The following ARHGAP28 variants were observed in gnomAD, a reference collection of about 807,000 sequenced individuals.
The protein encoded by ARHGAP28 is rho GTPase-activating protein 28.
ARHGAP28 carries 56 observed loss-of-function variants against 90.7 expected under a neutral mutation model. The observed-to-expected ratio is 0.62, with a 90% CI of 0.50 to 0.77. ARHGAP28 has a LOEUF of 0.77. ARHGAP28 is among the 30% of genes least tolerant of loss of function. ARHGAP28 has a pLI of 0.00. For synonymous variants in ARHGAP28, 308 were observed against 323.3 expected, an observed-to-expected ratio of 0.95 and a Z score of 0.51; for missense variants, 869 against 900.9, an observed-to-expected ratio of 0.96 and a Z score of 0.45.
intron 3 of ARHGAP28, among the ~76,000 whole-genome samples, chr18:6,841,163 C>G (rs1427884800): frequency 1.6e-4 from 15 of 95,500 alleles, no homozygotes; most frequent in Non-Finnish European, 2.3e-4. Context: ...CTCTTTCTCT[C>G]TCTCCTCTCT....
intron 2 of ARHGAP28, among the ~76,000 whole-genome samples, chr18:6,826,835 C>A (rs566879858): frequency 6.7e-4 from 102 of 152,120 alleles, no homozygotes; most frequent in African/African-American, 2.4e-3. Flanking sequence ...GACCCTGCGG[C>A]CTTCCGCAGT....
intron 4 of ARHGAP28, among the ~76,000 whole-genome samples, chr18:6,858,376 A>G (rs1473404428): frequency 6.6e-6 from 1 of 151,878 alleles, no homozygotes; most frequent in African/African-American, 2.4e-5. Context: ...AACCAATCCC[A>G]TTTGCTTTAC....
At chr18:6,821,837 C>T (rs368187698) in intron 1 of ARHGAP28, among the ~76,000 whole-genome samples, 4 of 152,144 alleles carry the variant, frequency 2.6e-5, no homozygotes, top group African/African-American at 9.7e-5. Flanking sequence ...AGACCCTTCG[C>T]ATGAATAAGA....
chr18:6,839,809 A>G (rs2056790557), intron 3 of ARHGAP28, among the ~76,000 whole-genome samples: 1 of 152,220 alleles, frequency 6.6e-6, no homozygotes, highest in African/African-American at 2.4e-5. Flanking sequence ...CTAATTGATT[A>G]ATACCTTTGA....
At chr18:6,754,744 G>A (rs910101600) in intron 1 of ARHGAP28, 43 of 152,212 alleles carry the variant, frequency 2.8e-4, no homozygotes, top group African/African-American at 1.0e-3. Context: ...CTGGACCTGG[G>A]AACCTGAATT....
chr18:6,824,404 G>A (rs1486886017), intron 1 of ARHGAP28, among the ~76,000 whole-genome samples: 4 of 152,032 alleles, frequency 2.6e-5, no homozygotes, highest in Admixed American at 2.6e-4. Context: ...GGGCGTGGTG[G>A]CGGGCACCTG....
chr18:6,747,702 G>A (rs1261501578), intron 1 of ARHGAP28, among the ~76,000 whole-genome samples: 2 of 152,146 alleles, frequency 1.3e-5, no homozygotes, highest in African/African-American at 4.8e-5. Context: ...CAAATAACTG[G>A]TAGAAACTAC....
At chr18:6,788,531 G>C (rs868425426) in intron 1 of ARHGAP28, 1 of 151,648 alleles carries the variant, frequency 6.6e-6, no homozygotes, top group Non-Finnish European at 1.5e-5. Flanking sequence ...GAGTGATCTC[G>C]GCTCACTGCA....
intron 14 of ARHGAP28, among the ~76,000 whole-genome samples, chr18:6,894,079 G>C (rs1192574006): frequency 6.6e-6 from 1 of 151,992 alleles, no homozygotes; most frequent in African/African-American, 2.4e-5. Context: ...GTGTTAGCCA[G>C]GATGGTCTAG....
intron 1 of ARHGAP28, among the ~76,000 whole-genome samples, chr18:6,734,328 TG>T (rs1007616501): frequency 9.2e-5 from 14 of 152,162 alleles, no homozygotes; most frequent in African/African-American, 2.7e-4. Flanking sequence ...TGAAGTACAA[TG>T]TTTTTTTTGT....
chr18:6,808,591 G>C (rs1182305334), intron 1 of ARHGAP28, among the ~76,000 whole-genome samples: 1 of 152,072 alleles, frequency 6.6e-6, no homozygotes, highest in Non-Finnish European at 1.5e-5. Context: ...TATTTTTTCG[G>C]GGGTTACATT....
In ARHGAP28 at chr18:6,847,630, G is replaced by GGTGTGTGT. The variant is rs60063372; in HGVS notation, c.544-3389_544-3382dup. Among the ~76,000 whole-genome samples the GGTGTGTGT allele has an allele frequency of 2.5e-3, 377 of 150,398 alleles. 3 individuals are homozygous for GGTGTGTGT. The highest frequency in any genetic ancestry group is 8.6e-3 in the African/African-American group (352 of 41,090). ...AAGGATGAGAGAGAGAGAGAGTGGGGGTGTGTGTGTGTGTGTGTGTGTAGG... is the reference window on the plus strand; with the variant it reads ...AAGGATGAGAGAGAGAGAGAGTGGGGGTGTGTGTGTGTGTGTGTGTGTGTGTGTGTAGG... On this transcript the variant is annotated intron_variant, in intron 3 of 17. Transcript: ENST00000383472.
At chr18:6,870,870 G>T (rs529005600) in intron 7 of ARHGAP28, 138 bp downstream of exon 7, 41 of 860,004 alleles carry the variant, frequency 4.8e-5, no homozygotes, top group Admixed American at 1.3e-4. Flanking sequence ...GCGCGATCTC[G>T]GCTCACTGCA....
Position 6,780,103 on chromosome 18 carries a change from C to T in ARHGAP28, c.123-44659C>T, listed in dbSNP as rs114568752. Among the ~76,000 whole-genome samples, 1,219 of 152,276 alleles carry T rather than the reference C, an allele frequency of 8.0e-3. 12 individuals are homozygous for T. The highest frequency in any genetic ancestry group is 0.028 in the African/African-American group (1,144 of 41,550). On this transcript the variant is annotated intron_variant, in intron 1 of 17. Transcript: ENST00000383472. ...CCTACAAGCCCACCCCAGCTTTCAA[C>T]TGGAGTTCAGGGAAGCTCAGTGACA...
intron 4 of ARHGAP28, among the ~76,000 whole-genome samples, chr18:6,858,380 G>A (rs769262316): frequency 4.0e-5 from 6 of 151,834 alleles, no homozygotes; most frequent in Non-Finnish European, 8.8e-5. Flanking sequence ...AATCCCATTT[G>A]CTTTACACCT....
intron 4 of ARHGAP28, among the ~76,000 whole-genome samples, chr18:6,856,118 C>T (rs961395996): frequency 6.6e-6 from 1 of 152,188 alleles, no homozygotes; most frequent in South Asian, 2.1e-4. Context: ...AAGAGGCTTC[C>T]GGCTAGAAAA....
At chr18:6,818,977 T>C (rs1178073145) in intron 1 of ARHGAP28, among the ~76,000 whole-genome samples, 2 of 152,212 alleles carry the variant, frequency 1.3e-5, no homozygotes, top group African/African-American at 4.8e-5. Flanking sequence ...TCTCCATTGC[T>C]GTGCAATGAG....
At chr18:6,869,772 G>C (rs1336413473) in intron 6 of ARHGAP28, among the ~76,000 whole-genome samples, 1 of 152,186 alleles carries the variant, frequency 6.6e-6, no homozygotes, top group African/African-American at 2.4e-5. Flanking sequence ...GGGCAAAAGA[G>C]AATGAGTTCT....
At chr18:6,846,541 T>C (rs1427217271) in intron 3 of ARHGAP28, among the ~76,000 whole-genome samples, 2 of 152,154 alleles carry the variant, frequency 1.3e-5, no homozygotes, top group African/African-American at 4.8e-5. Flanking sequence ...TATTTTTTTT[T>C]CTAATTCAAT....
Sources: gnomAD v4.1 joint callset for allele counts (sites outside exome capture counted in the v4.1 genomes callset) on GRCh38, gnomAD v4.1.1 for gene constraint, MANE v1.5 for transcripts, NCBI Gene and HGNC (gene_info 2026-07-23, HGNC 2026-07-21) for gene names.